Variants in ACSS3 observed in about 807,000 individuals in gnomAD.
ACSS3 encodes acyl-CoA synthetase short-chain family member 3, mitochondrial.
In ACSS3, 64 loss-of-function variants were observed where a neutral mutation model predicts 84.2. The observed-to-expected ratio is 0.76, with a 90% CI of 0.62 to 0.94. ACSS3 has a LOEUF of 0.94. ACSS3 is among the 40% of genes least tolerant of loss of function. ACSS3 has a pLI of 0.00. For missense variants in ACSS3, 815 were observed against 867.6 expected (o/e 0.94, Z 0.76); for synonymous variants, 317 against 310.1 (o/e 1.02, Z -0.23).
intron 9 of ACSS3, among the ~76,000 whole-genome samples, chr12:81,207,809 C>CCTT (rs1194648547): frequency 6.6e-6 from 1 of 152,014 alleles, no homozygotes; most frequent in East Asian, 1.9e-4. Context: ...TTATCTCATG[C>CCTT]CTTCATTAAC....
At chr12:81,202,366 G>A (rs1457815852) in intron 9 of ACSS3, among the ~76,000 whole-genome samples, 1 of 152,060 alleles carries the variant, frequency 6.6e-6, no homozygotes, top group Non-Finnish European at 1.5e-5. Flanking sequence ...ATTGATGTTT[G>A]ATTCTGGGTG....
intron 8 of ACSS3, among the ~76,000 whole-genome samples, chr12:81,193,716 C>G (rs1466935732): frequency 6.6e-6 from 1 of 151,856 alleles, no homozygotes; most frequent in Non-Finnish European, 1.5e-5. Context: ...AAACTAATCT[C>G]TACAATATGA....
intron 4 of ACSS3, among the ~76,000 whole-genome samples, chr12:81,142,710 TA>T (rs1886150462): frequency 6.6e-6 from 1 of 152,240 alleles, no homozygotes; most frequent in East Asian, 1.9e-4. Flanking sequence ...GTAAAGATAA[TA>T]AATGCAAAAT....
intron 3 of ACSS3, among the ~76,000 whole-genome samples, chr12:81,136,905 T>C (rs1885832057): frequency 6.6e-6 from 1 of 150,564 alleles, no homozygotes; most frequent in Non-Finnish European, 1.5e-5. Context: ...AAAAGGACTC[T>C]GGGAAGATTA....
intron 11 of ACSS3, among the ~76,000 whole-genome samples, chr12:81,225,051 G>A (rs1254460896): frequency 3.3e-5 from 5 of 151,742 alleles, no homozygotes; most frequent in Admixed American, 3.3e-4. Flanking sequence ...AGCTATGTAT[G>A]TATAGGAAAA....
intron 1 of ACSS3, among the ~76,000 whole-genome samples, chr12:81,082,072 T>C (rs1048927257): frequency 6.6e-6 from 1 of 152,218 alleles, no homozygotes; most frequent in Non-Finnish European, 1.5e-5. Context: ...CAAAAGAGAC[T>C]AATTTTAAAT....
chr12:81,165,448 A>G (rs941936032), intron 7 of ACSS3, among the ~76,000 whole-genome samples: 71 of 152,194 alleles, frequency 4.7e-4, no homozygotes, highest in Non-Finnish European at 9.6e-4. Flanking sequence ...GATCGAGACC[A>G]TCCTGGCTAA....
chr12:81,152,007 T>G lies in ACSS3; in HGVS notation c.1009T>G (p.Trp337Gly), dbSNP rs773411324. The G allele has an allele frequency of 6.2e-7, 1 of 1,613,564 alleles. No individual in the cohort carries two copies. Among genetic ancestry groups the G allele is most frequent in the Non-Finnish European group, 8.5e-7 (1 of 1,179,746 alleles). The change falls in exon 7 of 16, where the codon TGG becomes GGG. Residue 337 changes from tryptophan (W) to glycine (G), a missense_variant. Transcript: ENST00000548058. ...IYGLQPGEVW[W>G]AASDLGWVVG... ...TTATTATCTTATTTTTTAGGTGTGG[T>G]GGGCAGCTTCTGACTTAGGCTGGGT...
At chr12:81,166,888 G>T (rs1167906766) in intron 7 of ACSS3, among the ~76,000 whole-genome samples, 1 of 152,198 alleles carries the variant, frequency 6.6e-6, no homozygotes, top group Non-Finnish European at 1.5e-5. Context: ...GATTAAGCAA[G>T]AACCCATTTA....
At position 81,213,863 on chromosome 12, in the gene ACSS3, C is replaced by CCTTT. The variant is rs758779710; in HGVS notation, c.1355-3020_1355-3017dup. 9.1e-4 allele frequency among the ~76,000 whole-genome samples: 89 copies of CCTTT among 98,302 alleles called. 6 individuals are homozygous for CCTTT. The highest frequency in any genetic ancestry group is 1.3e-3 in the Admixed American group (12 of 9,480). 64.5% of individuals were successfully genotyped at this position (98,302 alleles called of 152,430 possible). A position where few individuals can be genotyped will look rare whatever the true frequency, so the allele number is the denominator to read the frequency against. ...CTTCTCTCCTCTCCTCTCTTCTCTTCCTTTCTTTCTTTCTTTCTTTCCTTT... is the reference window on the plus strand; with the variant it reads ...CTTCTCTCCTCTCCTCTCTTCTCTTCCTTTCTTTCTTTCTTTCTTTCTTTCCTTT... On this transcript the variant is annotated intron_variant, in intron 9 of 15. Transcript: ENST00000548058.
At chr12:81,210,642 T>G (rs12816473) in intron 9 of ACSS3, among the ~76,000 whole-genome samples, 65,169 of 151,988 alleles carry the variant, frequency 0.43, 14,482 homozygotes, top group Middle Eastern at 0.49. Flanking sequence ...ACCCATCTCT[T>G]TTGTTTCTTC....
intron 7 of ACSS3, among the ~76,000 whole-genome samples, chr12:81,168,648 T>A (rs1019364231): frequency 6.6e-6 from 1 of 152,182 alleles, no homozygotes; most frequent in Non-Finnish European, 1.5e-5. Context: ...CTATGTCCTA[T>A]AAATCATGAC....
At position 81,241,976 on chromosome 12, in the gene ACSS3, C is replaced by T. The variant is rs1237604609; in HGVS notation, c.1719+8505C>T. Reference sequence around the variant, plus strand: ...AGGGTTTTTATGGTTTTAGGTCTAACGTTTAAGTCTTTAATCCATCTTGAA... The same window carrying T: ...AGGGTTTTTATGGTTTTAGGTCTAATGTTTAAGTCTTTAATCCATCTTGAA... On this transcript the variant is annotated intron_variant, in intron 13 of 15. Coordinates refer to ENST00000548058, the MANE Select transcript of ACSS3 (RefSeq NM_024560.4). Among the ~76,000 whole-genome samples the T allele has an allele frequency of 5.3e-5, 8 of 152,144 alleles. No homozygotes were observed. The South Asian group carries it at 6.2e-4, about 12-fold the overall frequency.
intron 13 of ACSS3, among the ~76,000 whole-genome samples, chr12:81,242,851 A>C (rs1417997255): frequency 6.6e-6 from 1 of 152,094 alleles, no homozygotes; most frequent in Non-Finnish European, 1.5e-5. Context: ...TATTGATGGG[A>C]TGTATCTCAA....
intron 1 of ACSS3, among the ~76,000 whole-genome samples, chr12:81,105,985 A>G (rs1309676671): frequency 6.6e-6 from 1 of 152,160 alleles, no homozygotes; most frequent in East Asian, 1.9e-4. Context: ...GGAACTGCAA[A>G]GTTTGTAATC....
chr12:81,179,761 A>C (rs2030790719), intron 8 of ACSS3, among the ~76,000 whole-genome samples: 1 of 91,316 alleles, frequency 1.1e-5, no homozygotes. Context: ...CCTGGGTGAC[A>C]GAGCGAGACT....
Position 81,139,286 on chromosome 12 carries a change from G to C in ACSS3, c.780+21G>C, listed in dbSNP as rs908895798. The stretch of plus-strand genomic sequence containing the variant: ...ATATGGTAATCTGAATATTGAATTT[G>C]GTTCTTGCTTATGGTAATATGCTAA... On this transcript the variant is annotated intron_variant, in intron 4 of 15. Coordinates refer to ENST00000548058, the MANE Select transcript of ACSS3 (RefSeq NM_024560.4). The C allele has an allele frequency of 2.5e-6, 4 of 1,611,808 alleles. No individual in the cohort carries two copies. The African/African-American group carries it at 5.3e-5, about 22-fold the overall frequency.
At chr12:81,230,116 C>T (rs553406139) in intron 11 of ACSS3, among the ~76,000 whole-genome samples, 4 of 151,748 alleles carry the variant, frequency 2.6e-5, no homozygotes, top group Non-Finnish European at 5.9e-5. Flanking sequence ...ATGAGAACTA[C>T]GAATTTACAA....
At chr12:81,114,234 T>C (rs1325791198) in intron 2 of ACSS3, among the ~76,000 whole-genome samples, 1 of 152,132 alleles carries the variant, frequency 6.6e-6, no homozygotes, top group African/African-American at 2.4e-5. Flanking sequence ...AACTGCAAAT[T>C]CCTATTATCT....
Sources: gnomAD v4.1 joint callset for allele counts (sites outside exome capture counted in the v4.1 genomes callset) on GRCh38, gnomAD v4.1.1 for gene constraint, MANE v1.5 for transcripts, NCBI Gene and HGNC (gene_info 2026-07-23, HGNC 2026-07-21) for gene names.